The following MYOM1 variants were observed in gnomAD, a reference collection of about 807,000 sequenced individuals.
MYOM1 encodes myomesin-1.
MYOM1 carries 164 observed loss-of-function variants against 205.3 expected under a neutral mutation model. The observed-to-expected ratio is 0.80, with a 90% CI of 0.70 to 0.91. The LOEUF (loss-of-function observed/expected upper bound fraction) is 0.91, where lower values mean the gene tolerates loss of function less well. Ranked by LOEUF, MYOM1 falls within the 40% of genes least tolerant of loss-of-function variation. The pLI is 0.00. For synonymous variants in MYOM1, 772 were observed against 789.4 expected (o/e 0.98, Z 0.37); for missense variants, 2,011 against 2,127.3 (o/e 0.95, Z 1.08).
intron 10 of MYOM1, among the ~76,000 whole-genome samples, chr18:3,159,903 TTCCTTCC>T (rs2080357528): frequency 9.7e-6 from 1 of 102,616 alleles, no homozygotes; most frequent in Non-Finnish European, 2.3e-5. Flanking sequence ...CCTTCCTTCC[TTCCTTCC>T]TTCCTTCCTT....
Position 3,155,105 on chromosome 18 carries a change from G to A in MYOM1, c.1502-17C>T. The stretch of plus-strand genomic sequence containing the variant: ...CATCAGCATCTGTGGAGACAGAGAA[G>A]GATCCCATTAACCCTCTCAGACATG... On this transcript the variant is annotated splice_polypyrimidine_tract_variant and intron_variant, in intron 10 of 37. Transcript: ENST00000356443. 1 of 1,603,250 alleles carries A rather than the reference G, an allele frequency of 6.2e-7. No individual in the cohort carries two copies. Among genetic ancestry groups the A allele is most frequent in the Non-Finnish European group, 8.5e-7 (1 of 1,174,206 alleles).
chr18:3,188,602 C>G, intron 4 of MYOM1, 146 bp downstream of exon 4: 2 of 925,476 alleles, frequency 2.2e-6, no homozygotes, highest in Non-Finnish European at 3.1e-6. Context: ...GCACTCCAAC[C>G]TGGGGGACAG....
At chr18:3,181,182 C>T (rs1379910397) in intron 5 of MYOM1, among the ~76,000 whole-genome samples, 1 of 152,080 alleles carries the variant, frequency 6.6e-6, no homozygotes, top group African/African-American at 2.4e-5. Flanking sequence ...CTGCTTCGGC[C>T]CCCAAAGTGC....
chr18:3,216,311 G>A (rs560859544), intron 1 of MYOM1, among the ~76,000 whole-genome samples: 144 of 152,250 alleles, frequency 9.5e-4, no homozygotes, highest in African/African-American at 3.4e-3. Context: ...AAACAAAACA[G>A]ACAAAATGCC....
intron 17 of MYOM1, 125 bp from the exon 18 acceptor site, chr18:3,129,644 G>A: frequency 9.8e-7 from 1 of 1,022,546 alleles, no homozygotes; most frequent in Non-Finnish European, 1.4e-6. Context: ...TTGGCTTAAA[G>A]AAAATCGCTC....
intron 36 of MYOM1, among the ~76,000 whole-genome samples, chr18:3,072,601 G>A (rs1463794121): frequency 6.6e-6 from 1 of 151,774 alleles, no homozygotes; most frequent in African/African-American, 2.4e-5. Context: ...TGATCTGCCC[G>A]CCTCTGCCTC....
intron 34 of MYOM1, 113 bp from the exon 35 acceptor site, chr18:3,075,874 C>A (rs2298536): frequency 6.6e-6 from 6 of 902,824 alleles, no homozygotes; most frequent in Non-Finnish European, 1.0e-5. Flanking sequence ...ATGACTAAAC[C>A]GACTTTGATT....
At chr18:3,087,054 C>T (rs892485727) in intron 29 of MYOM1, among the ~76,000 whole-genome samples, 1 of 152,180 alleles carries the variant, frequency 6.6e-6, no homozygotes, top group African/African-American at 2.4e-5. Context: ...GAAACCACTA[C>T]ACACAATCAT....
chr18:3,204,573 GAAC>G (rs1403109947), intron 2 of MYOM1, among the ~76,000 whole-genome samples: 1 of 151,666 alleles, frequency 6.6e-6, no homozygotes, highest in African/African-American at 2.4e-5. Context: ...AGAAGTGAAA[GAAC>G]AACTAAATAA....
intron 1 of MYOM1, among the ~76,000 whole-genome samples, chr18:3,215,825 T>C (rs1199892873): frequency 6.6e-6 from 1 of 152,162 alleles, no homozygotes; most frequent in African/African-American, 2.4e-5. Context: ...CTCAGACTCT[T>C]CATAATACAT....
chr18:3,070,663 T>C (rs1274764570), intron 37 of MYOM1, among the ~76,000 whole-genome samples: 1 of 152,064 alleles, frequency 6.6e-6, no homozygotes, highest in Non-Finnish European at 1.5e-5. Context: ...TTGTAATCTC[T>C]TGGAGAGATT....
chr18:3,157,221 C>G (rs1157432557), intron 10 of MYOM1, among the ~76,000 whole-genome samples: 1 of 152,192 alleles, frequency 6.6e-6, no homozygotes, highest in Admixed American at 6.5e-5. Flanking sequence ...GCCTGGCAGA[C>G]AGCGGGCATT....
chr18:3,185,593 C>T (rs2080798635), intron 5 of MYOM1, among the ~76,000 whole-genome samples: 1 of 151,976 alleles, frequency 6.6e-6, no homozygotes, highest in East Asian at 1.9e-4. Context: ...CTTTAACAGG[C>T]CAAATTGTGC....
At chr18:3,105,423 G>A (rs755075779) in intron 22 of MYOM1, among the ~76,000 whole-genome samples, 17 of 152,162 alleles carry the variant, frequency 1.1e-4, no homozygotes, top group Non-Finnish European at 1.9e-4. Context: ...TCATCAGAAA[G>A]TCTTAAATGA....
chr18:3,178,331 G>A lies in MYOM1; in HGVS notation c.930-2197C>T, dbSNP rs76044842. 8.3e-3 allele frequency among the ~76,000 whole-genome samples: 1,262 copies of A among 152,330 alleles called. 20 individuals are homozygous for A. Among genetic ancestry groups the A allele is most frequent in the African/African-American group, 0.029 (1,197 of 41,570 alleles). On this transcript the variant is annotated intron_variant, in intron 5 of 37. Transcript: ENST00000356443. ...TCCAGATGAAGAAACCAAGGCATGGGGGTTTCAGGAACTTGCCCAGTCACA... is the reference window on the plus strand; with the variant it reads ...TCCAGATGAAGAAACCAAGGCATGGAGGTTTCAGGAACTTGCCCAGTCACA...
At chr18:3,186,087 T>C (rs944783818) in intron 5 of MYOM1, among the ~76,000 whole-genome samples, 2 of 151,998 alleles carry the variant, frequency 1.3e-5, no homozygotes, top group Admixed American at 6.6e-5. Context: ...TCCCAGCTAC[T>C]TGGGAGGCTG....
At chr18:3,151,450 T>A (rs188495409) in intron 12 of MYOM1, among the ~76,000 whole-genome samples, 1,954 of 142,416 alleles carry the variant, frequency 0.014, 34 homozygotes, top group African/African-American at 0.046. Flanking sequence ...AAATAAAATA[T>A]AAAATAATAA....
At chr18:3,148,996 T>C (rs148745379) in intron 13 of MYOM1, 149 bp downstream of exon 13, 151 of 679,780 alleles carry the variant, frequency 2.2e-4, no homozygotes, top group African/African-American at 2.1e-3. Flanking sequence ...AAAATGGGAT[T>C]CTCTGACATA....
Position 3,189,912 on chromosome 18 carries a change from G to A in MYOM1, c.432-825C>T, listed in dbSNP as rs1370134948. On this transcript the variant is annotated intron_variant, in intron 3 of 37. Coordinates refer to ENST00000356443, the MANE Select transcript of MYOM1 (RefSeq NM_003803.4). The surrounding 1 kb of genome is among the most constrained non-coding windows in gnomAD (Gnocchi z 4.8). ...TTGCTGATGTAATGCATTGCCTGGA[G>A]TTGTTACAGGTATGAATAAGTTCTG... Among the ~76,000 whole-genome samples, 1 of 152,170 alleles carries A rather than the reference G, an allele frequency of 6.6e-6. No individual in the cohort carries two copies. The highest frequency in any genetic ancestry group is 1.9e-4 in the East Asian group (1 of 5,198).
Sources: allele counts gnomAD v4.1 joint callset (sites outside exome capture counted in the v4.1 genomes callset), GRCh38; gene constraint gnomAD v4.1.1; non-coding constraint Gnocchi (gnomAD v3.1); transcripts MANE v1.5; gene names NCBI Gene and HGNC (gene_info 2026-07-23, HGNC 2026-07-21).